SUPV3L1: variants seen among roughly 807,000 people sequenced by gnomAD.
The protein encoded by SUPV3L1 is Suv3 like RNA helicase.
Under a neutral mutation model 70.0 loss-of-function variants are expected in SUPV3L1, and 35 were observed. The observed-to-expected ratio is 0.50, with a 90% CI of 0.38 to 0.66. The LOEUF is 0.66. Ranked by LOEUF, SUPV3L1 falls within the 30% of genes least tolerant of loss-of-function variation. SUPV3L1 has a pLI of 0.00. For missense variants in SUPV3L1, 777 were observed against 961.5 expected (o/e 0.81, Z 2.54); for synonymous variants, 364 against 341.9 (o/e 1.06, Z -0.71).
At chr10:69,206,473 T>C (rs1478691781) in intron 13 of SUPV3L1, among the ~76,000 whole-genome samples, 1 of 152,266 alleles carries the variant, frequency 6.6e-6, no homozygotes, top group Non-Finnish European at 1.5e-5. Flanking sequence ...GTTGTATGTC[T>C]ATCTTCTGTA....
chr10:69,190,097 C>T (rs756596293), intron 5 of SUPV3L1, among the ~76,000 whole-genome samples: 3 of 152,088 alleles, frequency 2.0e-5, no homozygotes, highest in Non-Finnish European at 4.4e-5. Context: ...CCTATTACAC[C>T]ACCTCATCAT....
intron 4 of SUPV3L1, 23 bp downstream of exon 4, chr10:69,187,779 T>C: frequency 6.7e-7 from 1 of 1,498,912 alleles, no homozygotes; most frequent in Non-Finnish European, 9.1e-7. Context: ...ATTTGTGGAT[T>C]TGAAATTTTC....
chr10:69,200,753 T>C (rs569974377), intron 11 of SUPV3L1, among the ~76,000 whole-genome samples: 9 of 152,318 alleles, frequency 5.9e-5, no homozygotes, highest in African/African-American at 1.9e-4. Flanking sequence ...TTGCCTTTAC[T>C]TCCTTCCGGA....
At chr10:69,182,489 T>A in intron 1 of SUPV3L1, 1 of 982,666 alleles carries the variant, frequency 1.0e-6, no homozygotes, top group Non-Finnish European at 1.2e-6. Flanking sequence ...CTTATTGTAT[T>A]CAAATATTGA....
chr10:69,199,340 T>G (rs1196159124), intron 10 of SUPV3L1, 143 bp downstream of exon 10: 1 of 658,214 alleles, frequency 1.5e-6, no homozygotes, highest in Non-Finnish European at 2.6e-6. Context: ...AGGTTTGTCT[T>G]GCCTACACCT....
At chr10:69,196,018 AT>A (rs1842533643) in intron 7 of SUPV3L1, among the ~76,000 whole-genome samples, 1 of 151,996 alleles carries the variant, frequency 6.6e-6, no homozygotes, top group African/African-American at 2.4e-5. Flanking sequence ...AAATGCTGGG[AT>A]TACAGGCATG....
At chr10:69,198,574 G>T in intron 9 of SUPV3L1, 22 bp downstream of exon 9, 1 of 1,606,834 alleles carries the variant, frequency 6.2e-7, no homozygotes, top group South Asian at 1.1e-5. Flanking sequence ...CTTTCCTCGT[G>T]ACAAGATATG....
At chr10:69,184,384 C>T (rs1358005425) in intron 1 of SUPV3L1, among the ~76,000 whole-genome samples, 5 of 151,852 alleles carry the variant, frequency 3.3e-5, no homozygotes, top group East Asian at 1.9e-4. Flanking sequence ...CAAAATTAGT[C>T]GGGCATGGTG....
intron 4 of SUPV3L1, among the ~76,000 whole-genome samples, chr10:69,188,126 C>T (rs866210099): frequency 3.3e-5 from 5 of 152,252 alleles, no homozygotes; most frequent in South Asian, 4.1e-4. Flanking sequence ...TGAGACTTTC[C>T]ACTGAAACCC....
intron 6 of SUPV3L1, 167 bp downstream of exon 6, chr10:69,191,933 A>G (rs752714201): frequency 1.3e-4 from 62 of 483,386 alleles, no homozygotes; most frequent in Middle Eastern, 6.0e-4. Context: ...CAGCCTCCCA[A>G]GTAGCCGGGA....
At chr10:69,188,111 G>A (rs535034202) in intron 4 of SUPV3L1, among the ~76,000 whole-genome samples, 2 of 152,232 alleles carry the variant, frequency 1.3e-5, no homozygotes, top group East Asian at 3.9e-4. Context: ...CACTTGAGAC[G>A]TCTTTGAGAC....
At chr10:69,193,333 A>T (rs907294397) in intron 6 of SUPV3L1, 2 of 152,194 alleles carry the variant, frequency 1.3e-5, no homozygotes, top group African/African-American at 4.8e-5. Flanking sequence ...AATAGTTTTT[A>T]AAAAATCAAT....
chr10:69,189,965 A>G (rs1462501064), intron 5 of SUPV3L1, among the ~76,000 whole-genome samples: 2 of 152,188 alleles, frequency 1.3e-5, no homozygotes, highest in Admixed American at 6.5e-5. Context: ...CTTAAGATGC[A>G]TCTTGATTTC....
At chr10:69,207,508 G>T (rs1842861154) in intron 13 of SUPV3L1, among the ~76,000 whole-genome samples, 1 of 151,974 alleles carries the variant, frequency 6.6e-6, no homozygotes, top group Non-Finnish European at 1.5e-5. Flanking sequence ...TATGGATGGG[G>T]TTTCTCCATG....
chr10:69,208,803 C>G lies in SUPV3L1; in HGVS notation c.2129C>G (p.Thr710Arg), dbSNP rs1359915529. The G allele has an allele frequency of 6.2e-7, 1 of 1,614,182 alleles. No homozygotes were observed. Residue 710 changes from threonine to arginine, a missense_variant, in exon 15 of 15, where the codon ACA becomes AGA. Coordinates refer to ENST00000359655, the MANE Select transcript of SUPV3L1 (RefSeq NM_003171.5). ...ACCTTAAAGAGCCAAGCTAGAAGGA[C>G]ACGCGGCACCAAAGCTCTAGGGAGT... ...SGTLKSQARR[T>R]RGTKALGSKA... is the part of the protein sequence containing the mutation.
intron 5 of SUPV3L1, 82 bp from the exon 6 acceptor site, chr10:69,191,573 G>T: frequency 8.7e-7 from 1 of 1,147,952 alleles, no homozygotes; most frequent in South Asian, 1.3e-5. Flanking sequence ...TTTGGTGGTA[G>T]TGGAGAGAAC....
At chr10:69,185,635 G>A (rs1842202341) in intron 1 of SUPV3L1, among the ~76,000 whole-genome samples, 1 of 151,732 alleles carries the variant, frequency 6.6e-6, no homozygotes, top group Non-Finnish European at 1.5e-5. Context: ...CTGGGTAGCT[G>A]GGACTACAGG....
chr10:69,191,678 A>T lies in SUPV3L1; in HGVS notation c.765A>T (p.Thr255=). ...AGGGTGTGCCATGTGACTTGGTGAC[A>T]GGTGAAGAGCGTGTGACAGTTCAGC... ...NAAGVPCDLV[T]GEERVTVQPN... The change falls in exon 6 of 15, where the codon ACA becomes ACT. Residue 255 remains threonine, a synonymous_variant. Transcript: ENST00000359655. 6.2e-7 allele frequency: 1 copy of T among 1,614,112 alleles called. No homozygotes were observed. Among genetic ancestry groups the T allele is most frequent in the Non-Finnish European group, 8.5e-7 (1 of 1,179,980 alleles).
At position 69,191,869 on chromosome 10, in the gene SUPV3L1, C is replaced by T; in HGVS notation, c.853+103C>T. ...TTGTCCAGGCTGGAATGCAATGGTA[C>T]TATCTCGGCTCACTGCGACCTCTGC... On this transcript the variant is annotated intron_variant, in intron 6 of 14. Transcript: ENST00000359655. 5.1e-6 allele frequency: 4 copies of T among 781,146 alleles called. No homozygotes were observed. In the East Asian group the frequency reaches 1.1e-4, roughly 22 times the overall value. The allele number at this position is 781,146 out of a possible 1,614,324, so 48.4% of individuals were successfully genotyped here. A position where few individuals can be genotyped will look rare whatever the true frequency, so the allele number is the denominator to read the frequency against.
Sources: gnomAD v4.1 joint callset for allele counts (sites outside exome capture counted in the v4.1 genomes callset) on GRCh38, gnomAD v4.1.1 for gene constraint, MANE v1.5 for transcripts, NCBI Gene and HGNC (gene_info 2026-07-23, HGNC 2026-07-21) for gene names.